EYS: variants seen among roughly 807,000 people sequenced by gnomAD.
EYS encodes protein eyes shut homolog.
A neutral mutation model predicts 282.1 loss-of-function variants in EYS; 250 were observed. That is an observed-to-expected ratio of 0.89 (90% CI 0.80 to 0.98). The LOEUF (loss-of-function observed/expected upper bound fraction) is 0.98, where lower values mean the gene tolerates loss of function less well. Ranked by LOEUF, EYS falls within the 50% of genes least tolerant of loss-of-function variation. The pLI, the probability that EYS is intolerant of heterozygous loss-of-function variation, is 0.00. For synonymous variants in EYS, 1,355 were observed against 1,282.9 expected (o/e 1.06, Z -1.20); for missense variants, 4,016 against 3,709.0 (o/e 1.08, Z -2.15).
chr6:64,856,419 G>T (rs1366140485), intron 19 of EYS, among the ~76,000 whole-genome samples: 1 of 151,972 alleles, frequency 6.6e-6, no homozygotes, highest in Non-Finnish European at 1.5e-5. Context: ...TCCCATCTCA[G>T]CCTCCCAAGT....
intron 1 of EYS, among the ~76,000 whole-genome samples, chr6:65,643,794 G>A (rs578065857): frequency 1.3e-5 from 2 of 152,102 alleles, no homozygotes; most frequent in East Asian, 3.9e-4. Flanking sequence ...ACCTCTGCTT[G>A]GTGGCTAGAT....
At chr6:65,306,659 A>AT (rs1399112829) in intron 11 of EYS, among the ~76,000 whole-genome samples, 3 of 148,424 alleles carry the variant, frequency 2.0e-5, no homozygotes, top group Non-Finnish European at 3.0e-5. Context: ...CTGATGTAGG[A>AT]TAAAAAAAAA....
intron 22 of EYS, among the ~76,000 whole-genome samples, chr6:64,678,090 A>C (rs1270340980): frequency 2.6e-5 from 4 of 152,060 alleles, no homozygotes; most frequent in African/African-American, 9.7e-5. Flanking sequence ...TGCTCACATT[A>C]TGTCATATTT....
chr6:65,315,551 C>A (rs1214946955), intron 11 of EYS, among the ~76,000 whole-genome samples: 2 of 151,434 alleles, frequency 1.3e-5, no homozygotes, highest in Admixed American at 1.3e-4. Flanking sequence ...CTGTATAAAT[C>A]TTGCATCTGG....
intron 5 of EYS, among the ~76,000 whole-genome samples, chr6:65,486,135 C>T (rs1297126782): frequency 1.3e-5 from 2 of 152,122 alleles, no homozygotes. Flanking sequence ...GTGGTTCACA[C>T]ATAGTTCATA....
intron 5 of EYS, among the ~76,000 whole-genome samples, chr6:65,464,022 G>C (rs9363370): frequency 0.19 from 28,406 of 151,874 alleles, 3,288 homozygotes; most frequent in Middle Eastern, 0.3. Flanking sequence ...TTATCCTAAA[G>C]AAAAATCTAC....
At chr6:65,102,953 G>A (rs1774935147) in intron 12 of EYS, among the ~76,000 whole-genome samples, 1 of 151,378 alleles carries the variant, frequency 6.6e-6, no homozygotes, top group Non-Finnish European at 1.5e-5. Flanking sequence ...GTACAAAAGT[G>A]TGTGGTTTAA....
At chr6:64,642,382 C>T (rs975945732) in intron 22 of EYS, among the ~76,000 whole-genome samples, 5 of 151,818 alleles carry the variant, frequency 3.3e-5, no homozygotes, top group East Asian at 3.9e-4. Flanking sequence ...ATTTAATGTG[C>T]CATTATATAT....
intron 26 of EYS, among the ~76,000 whole-genome samples, chr6:64,511,564 C>T (rs2150519485): frequency 6.6e-6 from 1 of 151,972 alleles, no homozygotes. Flanking sequence ...TTATGTTGTG[C>T]CACTGAGTAG....
intron 28 of EYS, among the ~76,000 whole-genome samples, chr6:64,416,707 T>C (rs1774069170): frequency 6.6e-6 from 1 of 152,188 alleles, no homozygotes; most frequent in African/African-American, 2.4e-5. Context: ...TGAACTTTTT[T>C]GAGACATTAA....
intron 33 of EYS, among the ~76,000 whole-genome samples, chr6:64,020,829 T>C (rs1442130762): frequency 2.6e-5 from 4 of 152,304 alleles, no homozygotes; most frequent in Admixed American, 2.0e-4. Context: ...GGGAGAATAT[T>C]ATAAATGTTA....
intron 22 of EYS, among the ~76,000 whole-genome samples, chr6:64,666,244 T>A (rs1408025898): frequency 6.6e-6 from 1 of 152,150 alleles, no homozygotes; most frequent in South Asian, 2.1e-4. Context: ...ACCTAAAACT[T>A]AAAAATAAAA....
Position 64,590,883 on chromosome 6 carries a change from C to G in EYS, c.4984G>C (p.Asp1662His), listed in dbSNP as rs757635624. 1 of 1,550,544 alleles carries G rather than the reference C, an allele frequency of 6.4e-7. No individual in the cohort carries two copies. The highest frequency in any genetic ancestry group is 8.7e-7 in the Non-Finnish European group (1 of 1,146,632). Residue 1662 changes from aspartate (D) to histidine (H), a missense_variant, in exon 26 of 43, where the codon GAT (aspartate) becomes CAT (histidine). Asp to His is a moderately conservative substitution (Grantham distance 81). Transcript: ENST00000503581. ...SSNLDVNLCL[D>H]KTCLSIVPSQ... Reference sequence around the variant, plus strand: ...GGGACAATGGATAAACAAGTCTTATCCAAACATAAATTAACATCCAAATTA... The same window carrying G: ...GGGACAATGGATAAACAAGTCTTATGCAAACATAAATTAACATCCAAATTA...
At chr6:63,973,527 G>A (rs1766689927) in intron 35 of EYS, among the ~76,000 whole-genome samples, 1 of 152,042 alleles carries the variant, frequency 6.6e-6, no homozygotes, top group South Asian at 2.1e-4. Flanking sequence ...GTGCCGATTT[G>A]AACCAATATC....
At chr6:65,414,749 G>T (rs892629876) in intron 5 of EYS, among the ~76,000 whole-genome samples, 13 of 152,040 alleles carry the variant, frequency 8.6e-5, no homozygotes, top group South Asian at 6.2e-4. Context: ...GTGATCTGCA[G>T]TTTCCGGGGT....
chr6:64,686,911 A>G (rs868186307), intron 22 of EYS, among the ~76,000 whole-genome samples: 1 of 108,050 alleles, frequency 9.3e-6, no homozygotes, highest in East Asian at 2.3e-4. Context: ...GTATATATAT[A>G]CACACATATA....
intron 35 of EYS, among the ~76,000 whole-genome samples, chr6:63,872,835 T>A (rs932769106): frequency 1.3e-5 from 2 of 152,006 alleles, no homozygotes. Flanking sequence ...TGTTACTGGA[T>A]AATAAATCTT....
At position 64,449,267 on chromosome 6, in the gene EYS, C is replaced by T. The variant is rs568563890; in HGVS notation, c.5645-9915G>A. The stretch of plus-strand genomic sequence containing the variant: ...AAGAAAGGGTATCAGCGATGGAAGA[C>T]GAAATGAATGAAATGAAGTGTGAAG... On this transcript the variant is annotated intron_variant, in intron 26 of 42. Coordinates refer to ENST00000503581, the MANE Select transcript of EYS (RefSeq NM_001142800.2). Among the ~76,000 whole-genome samples, 212 of 150,892 alleles carry T rather than the reference C, an allele frequency of 1.4e-3. 1 individual carries two copies. The highest frequency in any genetic ancestry group is 3.6e-3 in the South Asian group (17 of 4,786).
At chr6:64,562,109 G>A (rs1765414550) in intron 26 of EYS, among the ~76,000 whole-genome samples, 1 of 151,576 alleles carries the variant, frequency 6.6e-6, no homozygotes, top group Non-Finnish European at 1.5e-5. Flanking sequence ...TTAATTGAAT[G>A]ACTTCAAAGT....
Sources: gnomAD v4.1 joint callset for allele counts (sites outside exome capture counted in the v4.1 genomes callset) on GRCh38, gnomAD v4.1.1 for gene constraint, MANE v1.5 for transcripts, NCBI Gene and HGNC (gene_info 2026-07-23, HGNC 2026-07-21) for gene names.